CHD5: variants seen among roughly 807,000 people sequenced by gnomAD.
CHD5 encodes chromodomain helicase DNA binding protein 5, also known as ATP-dependent chromatin remodeler CHD5.
Under a neutral mutation model 230.3 loss-of-function variants are expected in CHD5, and 69 were observed. The observed-to-expected ratio is 0.30, with a 90% CI of 0.25 to 0.37. The LOEUF (loss-of-function observed/expected upper bound fraction) is 0.37. Ranked by LOEUF, CHD5 falls within the 10% of genes least tolerant of loss-of-function variation. CHD5 has a pLI of 1.00. For missense variants in CHD5, 1,827 were observed against 2,622.8 expected (o/e 0.70, Z 6.63); for synonymous variants, 1,064 against 1,065.9 (o/e 1.00, Z 0.03).
At chr1:6,176,904 A>C (rs144241088) in intron 1 of CHD5, among the ~76,000 whole-genome samples, 56 of 152,278 alleles carry the variant, frequency 3.7e-4, no homozygotes, top group Non-Finnish European at 5.7e-4. Context: ...TCCCAGGAGA[A>C]TCTGGCAACT....
At chr1:6,174,958 T>C (rs916573521) in intron 1 of CHD5, among the ~76,000 whole-genome samples, 1 of 137,070 alleles carries the variant, frequency 7.3e-6, no homozygotes, top group Admixed American at 7.0e-5. Flanking sequence ...GGTGGATGGA[T>C]GGATGGTGGA....
chr1:6,159,127 C>T (rs1030490178), intron 3 of CHD5, among the ~76,000 whole-genome samples: 24 of 149,736 alleles, frequency 1.6e-4, no homozygotes, highest in African/African-American at 4.2e-4. Context: ...CCCAGCTACT[C>T]GGGAGGCTGA....
chr1:6,159,986 AGCCCCAGCCAGGGAAGG>A (rs1667141576), intron 2 of CHD5, among the ~76,000 whole-genome samples: 1 of 151,802 alleles, frequency 6.6e-6, no homozygotes, highest in African/African-American at 2.4e-5. Context: ...GCACAGGAAG[AGCCCCAGCCAGGGAAGG>A]GCCCCAGCCA....
rs1666710786 is a variant in CHD5, at chr1:6,134,627, A to G, written c.3012+91T>C. ...ATCGCCACAATGGCCAGGAGAACCT[A>G]TCACAGCGGCCACAGGGACCTACCA... is the stretch of plus-strand genomic sequence containing the variant. On this transcript the variant is annotated intron_variant, in intron 19 of 41. Transcript: ENST00000262450. This position sits in a 1 kb window ranked among gnomAD's most constrained non-coding sequence, Gnocchi z 6.3. 3 of 1,340,714 alleles carry G rather than the reference A, an allele frequency of 2.2e-6. No individual in the cohort carries two copies. In the African/African-American group the frequency reaches 4.3e-5, roughly 19 times the overall value. The allele number at this position is 1,340,714 out of a possible 1,614,324, so 83.1% of individuals were successfully genotyped here.
chr1:6,142,684 A>G lies in CHD5; in HGVS notation c.2044-79T>C. 7.1e-7 allele frequency: 1 copy of G among 1,416,742 alleles called. No homozygotes were observed. Among genetic ancestry groups the G allele is most frequent in the African/African-American group, 1.4e-5 (1 of 70,718 alleles). 87.8% of individuals were successfully genotyped at this position (1,416,742 alleles called of 1,614,324 possible). ...CACACTACAGGCCTTTGCACATGCA[A>G]TTCCTTCTGCCTGGAACACTCTTCC... On this transcript the variant is annotated intron_variant, in intron 13 of 41. Transcript: ENST00000262450. This position sits in a 1 kb window ranked among gnomAD's most constrained non-coding sequence, Gnocchi z 5.2.
chr1:6,171,513 C>CA (rs906857812), intron 1 of CHD5, among the ~76,000 whole-genome samples: 130 of 152,210 alleles, frequency 8.5e-4, no homozygotes, highest in African/African-American at 3.0e-3. Flanking sequence ...CACTGCCCCC[C>CA]CCAACACCTC....
intron 1 of CHD5, among the ~76,000 whole-genome samples, chr1:6,173,714 C>G (rs552307209): frequency 2.0e-5 from 3 of 152,248 alleles, no homozygotes; most frequent in Admixed American, 6.5e-5. Flanking sequence ...AGGGTCAGGG[C>G]GGCAGTGGTG....
intron 37 of CHD5, 29 bp downstream of exon 37, chr1:6,110,364 CG>C (rs78789357): frequency 0.45 from 724,016 of 1,612,474 alleles, 166,553 homozygotes; most frequent in South Asian, 0.62. Flanking sequence ...CTCCCTGCCC[CG>C]TGCAGCCCTG....
At position 6,130,174 on chromosome 1, in the gene CHD5, G is replaced by A. The variant is rs377143914; in HGVS notation, c.3387+30C>T. 6 of 1,612,164 alleles carry A rather than the reference G, an allele frequency of 3.7e-6. No homozygotes were observed. In the African/African-American group the frequency reaches 5.3e-5, roughly 14 times the overall value. Reference sequence around the variant, plus strand: ...TGAGGCCCGGGATGAGAGGCCCCCTGGGAGGGTGGTGGGCGGCAGCAGCAC... The same window carrying A: ...TGAGGCCCGGGATGAGAGGCCCCCTAGGAGGGTGGTGGGCGGCAGCAGCAC... On this transcript the variant is annotated intron_variant, in intron 22 of 41. Coordinates refer to ENST00000262450, the MANE Select transcript of CHD5 (RefSeq NM_015557.3). This position sits in a 1 kb window ranked among gnomAD's most constrained non-coding sequence, Gnocchi z 4.9.
In CHD5 at chr1:6,130,349, G is replaced by C. The variant is rs376537792; in HGVS notation, c.3263-21C>G. 11 of 1,612,244 alleles carry C rather than the reference G, an allele frequency of 6.8e-6. No homozygotes were observed. The highest frequency in any genetic ancestry group is 9.3e-6 in the Non-Finnish European group (11 of 1,179,350). On this transcript the variant is annotated intron_variant, in intron 21 of 41. Transcript: ENST00000262450. This position sits in a 1 kb window ranked among gnomAD's most constrained non-coding sequence, Gnocchi z 4.9. ...GGGGGCTGAAAAAGAGAGGCCAGCA[G>C]ATGGGAGTGTTTGGGGGGGTACACC...
rs111886993 is a variant in CHD5, at chr1:6,153,827, T to TCAAAACAAAACAAAACAAAACAAAA, written c.745+808_745+832dup. 2.5e-3 allele frequency among the ~76,000 whole-genome samples: 380 copies of TCAAAACAAAACAAAACAAAACAAAA among 151,800 alleles called. 1 individual carries two copies. The highest frequency in any genetic ancestry group is 8.1e-3 in the African/African-American group (333 of 41,308). On this transcript the variant is annotated intron_variant, in intron 5 of 41. Coordinates refer to ENST00000262450, the MANE Select transcript of CHD5 (RefSeq NM_015557.3). ...GCCTGGGAGACAGAGTGAGAGTCTG[T>TCAAAACAAAACAAAACAAAACAAAA]CAAAACAAAACAAAACAAAACAAAA...
chr1:6,110,372 C>T (rs1425136241), intron 37 of CHD5, 22 bp downstream of exon 37: 2 of 1,613,808 alleles, frequency 1.2e-6, no homozygotes, highest in Admixed American at 1.7e-5. Flanking sequence ...CCCGTGCAGC[C>T]CTGGCCCTTC....
chr1:6,113,536 C>A, intron 33 of CHD5: 1 of 260,742 alleles, frequency 3.8e-6, no homozygotes. Context: ...TCCAGGGGCC[C>A]CAGGTTGGGG....
chr1:6,146,245 T>C lies in CHD5; in HGVS notation c.1769A>G (p.Glu590Gly), dbSNP rs1666908847. The part of the protein sequence containing the change: ...ERFYRYGIKP[E>G]WMMIHRILNH... ...CAGGATTCGGTGAATCATCATCCAC[T>C]CTGGCTTGATGCCATAGCGGTAGAA... Residue 590 changes from glutamate (E) to glycine (G), a missense_variant, in exon 11 of 42, where the codon GAG (glutamate) becomes GGG (glycine). Glu to Gly is a moderately conservative substitution (Grantham distance 98). Coordinates refer to ENST00000262450, the MANE Select transcript of CHD5 (RefSeq NM_015557.3). The surrounding 1 kb of genome is among the most constrained non-coding windows in gnomAD (Gnocchi z 5.1). 1 of 1,614,156 alleles carries C rather than the reference T, an allele frequency of 6.2e-7. No individual in the cohort carries two copies. Among genetic ancestry groups the C allele is most frequent in the Non-Finnish European group, 8.5e-7 (1 of 1,180,016 alleles).
Position 6,126,640 on chromosome 1 carries a change from C to T in CHD5, c.4010G>A (p.Arg1337His), listed in dbSNP as rs1333610393. 1.2e-5 allele frequency: 20 copies of T among 1,613,918 alleles called. No homozygotes were observed. The highest frequency in any genetic ancestry group is 3.3e-5 in the South Asian group (3 of 91,086). ...HYEQQQEDLA[R>H]NLGKGKRIRK... ...GATGCGCTTGCCCTTGCCCAGGTTG[C>T]GGGCCAGGTCCTCCTGCTGCTGCTC... Residue 1337 changes from arginine (R) to histidine (H), a missense_variant, in exon 26 of 42, where the codon CGC (arginine) becomes CAC (histidine). This residue lies in a region of CHD5 where 137 missense variants were observed against 272.7 expected (regional missense o/e 0.50). Coordinates refer to ENST00000262450, the MANE Select transcript of CHD5 (RefSeq NM_015557.3). The surrounding 1 kb of genome is among the most constrained non-coding windows in gnomAD (Gnocchi z 5.7).
Position 6,134,183 on chromosome 1 carries a change from T to C in CHD5, c.3089A>G (p.Gln1030Arg). The C allele has an allele frequency of 6.2e-7, 1 of 1,613,938 alleles. No homozygotes were observed. ...ATCCCGCAGTTTCTTCAGCATCTTC[T>C]GTAGCAGCATGAGCTTCCCTGAAGA... Reference protein sequence around the residue: ...VKSSGKLMLLQKMLKKLRDEG... With the variant: ...VKSSGKLMLLRKMLKKLRDEG... The change falls in exon 20 of 42, where the codon CAG (glutamine) becomes CGG (arginine). Residue 1030 changes from glutamine to arginine, a missense_variant. Physicochemically the swap from Gln to Arg is conservative, Grantham distance 43 (BLOSUM62 1). Transcript: ENST00000262450. This position sits in a 1 kb window ranked among gnomAD's most constrained non-coding sequence, Gnocchi z 6.3.
In CHD5 at chr1:6,125,543, C is replaced by T. The variant is rs775080261; in HGVS notation, c.4241G>A (p.Arg1414Gln). 1.3e-6 allele frequency: 2 copies of T among 1,593,620 alleles called. No homozygotes were observed. Among genetic ancestry groups the T allele is most frequent in the South Asian group, 1.1e-5 (1 of 88,680 alleles). The change falls in exon 28 of 42, where the codon CGA becomes CAA. Residue 1414 changes from arginine (R) to glutamine (Q), a missense_variant. By Grantham distance (43) the Arg-to-Gln change is conservative. Transcript: ENST00000262450. This position sits in a 1 kb window ranked among gnomAD's most constrained non-coding sequence, Gnocchi z 6.7. ...CCCCACCTCGATGTTGCCACCAACTCGGGCGAGAAGCGGGGGCAGGGGCTT... is the reference window on the plus strand; with the variant it reads ...CCCCACCTCGATGTTGCCACCAACTTGGGCGAGAAGCGGGGGCAGGGGCTT... ...RDKPLPPLLA[R>Q]VGGNIEVLGF...
At chr1:6,166,066 G>T (rs940626696) in intron 2 of CHD5, among the ~76,000 whole-genome samples, 1 of 151,880 alleles carries the variant, frequency 6.6e-6, no homozygotes, top group Admixed American at 6.6e-5. Context: ...GTAAGGGGGG[G>T]TTCCCGGGAA....
rs1666152945 is a variant in CHD5, at chr1:6,105,744, G to A, written c.*47-317C>T. Among the ~76,000 whole-genome samples the A allele has an allele frequency of 6.6e-6, 1 of 152,188 alleles. No homozygotes were observed. The highest frequency in any genetic ancestry group is 2.4e-5 in the African/African-American group (1 of 41,446). ...TGGTGGCCCCAGAGAAGACCAGAATGAACTGGCAGTTTCTCTGAAATAAGC... is the reference window on the plus strand; with the variant it reads ...TGGTGGCCCCAGAGAAGACCAGAATAAACTGGCAGTTTCTCTGAAATAAGC... On this transcript the variant is annotated intron_variant, in intron 41 of 41. Coordinates refer to ENST00000262450, the MANE Select transcript of CHD5 (RefSeq NM_015557.3). This position sits in a 1 kb window ranked among gnomAD's most constrained non-coding sequence, Gnocchi z 4.8.
Sources: gnomAD v4.1 joint callset for allele counts (sites outside exome capture counted in the v4.1 genomes callset) on GRCh38, gnomAD v4.1.1 for gene constraint, gnomAD v4.1.1 regional missense constraint, Gnocchi (gnomAD v3.1) non-coding constraint, MANE v1.5 for transcripts, NCBI Gene and HGNC (gene_info 2026-07-23, HGNC 2026-07-21) for gene names.